Variants in CLEC16A observed in about 807,000 individuals in gnomAD.
CLEC16A encodes the protein C-type lectin domain containing 16A.
Under a neutral mutation model 109.5 loss-of-function variants are expected in CLEC16A, and 51 were observed. That is an observed-to-expected ratio of 0.47 (90% CI 0.37 to 0.59). CLEC16A has a LOEUF of 0.59. Ranked by LOEUF, CLEC16A falls within the 20% of genes least tolerant of loss-of-function variation. CLEC16A has a pLI of 0.00. For missense variants in CLEC16A, 1,339 were observed against 1,394.0 expected (o/e 0.96, Z 0.63); for synonymous variants, 673 against 564.2 (o/e 1.19, Z -2.73).
chr16:11,118,099 T>C (rs1324101610), intron 19 of CLEC16A, among the ~76,000 whole-genome samples: 2 of 151,946 alleles, frequency 1.3e-5, no homozygotes, highest in African/African-American at 4.8e-5. Context: ...ATCAGCCTCC[T>C]AAGTAGCTGT....
At chr16:11,175,381 C>A (rs1402191946) in intron 23 of CLEC16A, among the ~76,000 whole-genome samples, 1 of 152,234 alleles carries the variant, frequency 6.6e-6, no homozygotes, top group African/African-American at 2.4e-5. Flanking sequence ...TTCTCCAAAT[C>A]CCTCATTTCC....
chr16:11,058,108 C>T (rs1231501413), intron 18 of CLEC16A, among the ~76,000 whole-genome samples: 1 of 152,244 alleles, frequency 6.6e-6, no homozygotes, highest in Non-Finnish European at 1.5e-5. Context: ...TATAACCCCC[C>T]TACCCCCATG....
At chr16:11,097,810 A>G (rs1276136077) in intron 19 of CLEC16A, among the ~76,000 whole-genome samples, 1 of 152,216 alleles carries the variant, frequency 6.6e-6, no homozygotes, top group Non-Finnish European at 1.5e-5. Flanking sequence ...TCAATTATCC[A>G]TGGGCTGTGA....
intron 22 of CLEC16A, among the ~76,000 whole-genome samples, chr16:11,150,896 C>T (rs2054267803): frequency 6.6e-6 from 1 of 152,170 alleles, no homozygotes; most frequent in East Asian, 1.9e-4. Flanking sequence ...AGAAGTATCA[C>T]CCCAGTCTTG....
intron 22 of CLEC16A, among the ~76,000 whole-genome samples, chr16:11,153,424 T>G (rs1268646782): frequency 6.6e-6 from 1 of 151,994 alleles, no homozygotes; most frequent in East Asian, 1.9e-4. Flanking sequence ...TCCAGAGTTG[T>G]CTTAATTTTC....
intron 23 of CLEC16A, among the ~76,000 whole-genome samples, chr16:11,166,823 C>T (rs932383875): frequency 1.3e-5 from 2 of 152,208 alleles, no homozygotes; most frequent in Non-Finnish European, 2.9e-5. Context: ...GGGCAGCAGG[C>T]GGGCTGCACC....
intron 18 of CLEC16A, among the ~76,000 whole-genome samples, chr16:11,060,067 C>T (rs181110897): frequency 1.3e-5 from 2 of 152,238 alleles, no homozygotes; most frequent in African/African-American, 2.4e-5. Flanking sequence ...TCTGCACACA[C>T]GGCTCCGACT....
chr16:10,998,728 C>G (rs2044479358), intron 10 of CLEC16A, among the ~76,000 whole-genome samples: 1 of 152,080 alleles, frequency 6.6e-6, no homozygotes, highest in African/African-American at 2.4e-5. Context: ...ACATTCATTC[C>G]TACAGCCATG....
chr16:11,078,189 G>T (rs1412795547), intron 19 of CLEC16A, among the ~76,000 whole-genome samples: 1 of 13,838 alleles, frequency 7.2e-5, no homozygotes, highest in Non-Finnish European at 1.3e-4. Flanking sequence ...GTGAGGGTGG[G>T]TGGTGCGAAG....
chr16:11,055,211 G>A (rs950276192), intron 18 of CLEC16A, among the ~76,000 whole-genome samples: 2 of 152,162 alleles, frequency 1.3e-5, no homozygotes, highest in African/African-American at 2.4e-5. Flanking sequence ...TAACAAGTAA[G>A]AGAATAGCAG....
chr16:11,036,990 T>A (rs986764073), intron 13 of CLEC16A, among the ~76,000 whole-genome samples: 3 of 152,262 alleles, frequency 2.0e-5, no homozygotes, highest in Admixed American at 1.3e-4. Flanking sequence ...TGTTGGCCTG[T>A]GACAGTGCTT....
rs771304504 is a variant in CLEC16A, at chr16:11,003,082, C to T, written c.1080C>T (p.Pro360=). 2 of 1,610,380 alleles carry T rather than the reference C, an allele frequency of 1.2e-6. No homozygotes were observed. The highest frequency in any genetic ancestry group is 1.7e-6 in the Non-Finnish European group (2 of 1,178,902). ...EQDIQRSSAK[P]SIRCFIKPTE... ...TCGTTGGACTTTCCTAGGCCAAGCC[C>T]AGCATTCGGTGCTTCATTAAACCCA... is the stretch of plus-strand genomic sequence containing the variant. Residue 360 remains proline (P), a synonymous_variant, in exon 11 of 24, where the codon CCC becomes CCT. Transcript: ENST00000409790.
At chr16:11,148,223 C>A (rs1377617291) in intron 22 of CLEC16A, among the ~76,000 whole-genome samples, 1 of 152,086 alleles carries the variant, frequency 6.6e-6, no homozygotes, top group Non-Finnish European at 1.5e-5. Flanking sequence ...TTTGTTGTTC[C>A]GGAACTTATT....
At position 10,962,420 on chromosome 16, in the gene CLEC16A, A is replaced by G. The variant is rs774496341; in HGVS notation, c.210-35A>G. 3 of 1,613,594 alleles carry G rather than the reference A, an allele frequency of 1.9e-6. No homozygotes were observed. In the East Asian group the frequency reaches 6.7e-5, roughly 36 times the overall value. ...AATAATTTCTGTTTCCACATGTGGAAGCAAGCCACTGATGCTTTTCCATTC... is the reference window on the plus strand; with the variant it reads ...AATAATTTCTGTTTCCACATGTGGAGGCAAGCCACTGATGCTTTTCCATTC... On this transcript the variant is annotated intron_variant, in intron 2 of 23. Coordinates refer to ENST00000409790, the MANE Select transcript of CLEC16A (RefSeq NM_015226.3).
chr16:11,127,430 A>G (rs34540843), intron 22 of CLEC16A, among the ~76,000 whole-genome samples: 28,568 of 152,176 alleles, frequency 0.19, 3,340 homozygotes, highest in South Asian at 0.27. Context: ...CAAATTTCTC[A>G]TGTCTGTGTG....
intron 13 of CLEC16A, among the ~76,000 whole-genome samples, chr16:11,035,526 A>G (rs2046972281): frequency 6.6e-6 from 1 of 152,168 alleles, no homozygotes; most frequent in East Asian, 1.9e-4. Flanking sequence ...TAAGAGCCAC[A>G]TGGCTGCATT....
intron 19 of CLEC16A, among the ~76,000 whole-genome samples, chr16:11,101,756 T>G (rs2050928635): frequency 6.6e-6 from 1 of 152,202 alleles, no homozygotes; most frequent in South Asian, 2.1e-4. Context: ...TTGCCCTTCA[T>G]GAATTTCATA....
intron 3 of CLEC16A, 96 bp downstream of exon 3, chr16:10,962,684 G>A: frequency 1.5e-6 from 2 of 1,332,486 alleles, no homozygotes; most frequent in Non-Finnish European, 1.1e-6. Context: ...CTATTCGTCG[G>A]CTCAGGCTAT....
At chr16:11,033,841 T>C (rs906863009) in intron 13 of CLEC16A, among the ~76,000 whole-genome samples, 1 of 152,254 alleles carries the variant, frequency 6.6e-6, no homozygotes, top group Non-Finnish European at 1.5e-5. Context: ...TGTGATTCAG[T>C]TGGGCCACAT....
Sources: gnomAD v4.1 joint callset for allele counts (sites outside exome capture counted in the v4.1 genomes callset) on GRCh38, gnomAD v4.1.1 for gene constraint, MANE v1.5 for transcripts, NCBI Gene and HGNC (gene_info 2026-07-23, HGNC 2026-07-21) for gene names.